TGFBR2: variants seen among roughly 807,000 people sequenced by gnomAD.
TGFBR2 encodes transforming growth factor beta receptor 2.
Under a neutral mutation model 49.0 loss-of-function variants are expected in TGFBR2, and 18 were observed. The observed-to-expected ratio is 0.37, with a 90% CI of 0.25 to 0.54. TGFBR2 has a LOEUF of 0.54. Among genes scored for constraint, TGFBR2 ranks in the 20% least tolerant of loss-of-function variants. TGFBR2 has a pLI of 0.85. For synonymous variants in TGFBR2, 282 were observed against 275.9 expected, an observed-to-expected ratio of 1.02 and a Z score of -0.22; for missense variants, 525 against 722.6, an observed-to-expected ratio of 0.73 and a Z score of 3.13.
chr3:30,635,562 T>A (rs1698511979), intron 1 of TGFBR2, among the ~76,000 whole-genome samples: 1 of 152,176 alleles, frequency 6.6e-6, no homozygotes, highest in African/African-American at 2.4e-5. Flanking sequence ...AGCCAATTAT[T>A]TTTCCGTTCA....
intron 5 of TGFBR2, among the ~76,000 whole-genome samples, chr3:30,685,966 A>C (rs889881410): frequency 2.6e-5 from 4 of 152,236 alleles, no homozygotes; most frequent in Non-Finnish European, 5.9e-5. Flanking sequence ...ATGGTAGTAC[A>C]TATATCTCAA....
chr3:30,671,566 A>G, intron 3 of TGFBR2, 72 bp from the exon 4 acceptor site: 2 of 1,489,258 alleles, frequency 1.3e-6, no homozygotes, highest in Non-Finnish European at 1.9e-6. Flanking sequence ...ATGCTCAGGC[A>G]TGAACCCACT....
At chr3:30,680,585 T>G (rs1463268987) in intron 5 of TGFBR2, among the ~76,000 whole-genome samples, 2 of 66,012 alleles carry the variant, frequency 3.0e-5, no homozygotes, top group Non-Finnish European at 5.6e-5. Flanking sequence ...AATGTTGGAG[T>G]TGGGTGGGGT....
In TGFBR2 at chr3:30,671,851, A is replaced by G; in HGVS notation, c.668A>G (p.Asp223Gly). The G allele has an allele frequency of 6.2e-7, 1 of 1,614,180 alleles. No homozygotes were observed. Among genetic ancestry groups the G allele is most frequent in the Non-Finnish European group, 8.5e-7 (1 of 1,180,018 alleles). Reference sequence around the variant, plus strand: ...CACTGTGCCATCATCCTGGAAGATGACCGCTCTGACATCAGCTCCACGTGT... The same window carrying G: ...CACTGTGCCATCATCCTGGAAGATGGCCGCTCTGACATCAGCTCCACGTGT... ...SEHCAIILED[D>G]RSDISSTCAN... The change falls in exon 4 of 7, where the codon GAC becomes GGC. Residue 223 changes from aspartate (D) to glycine (G), a missense_variant. Coordinates refer to ENST00000295754, the MANE Select transcript of TGFBR2 (RefSeq NM_003242.6).
At position 30,693,171 on chromosome 3, in the gene TGFBR2, A is replaced by G. The variant is rs878857301; in HGVS notation, c.*1572A>G. 1.1e-4 allele frequency: 25 copies of G among 233,416 alleles called. No individual in the cohort carries two copies. The East Asian group carries it at 1.3e-3, about 12-fold the overall frequency. 14.5% of individuals were successfully genotyped at this position (233,416 alleles called of 1,614,324 possible). ...CCAAGTTTCTTTTGCTTATATGTTA[A>G]TAGTTTTACCCTCTGCATTGGAGAG... On this transcript the variant is annotated 3_prime_UTR_variant, in exon 7 of 7. Coordinates refer to ENST00000295754, the MANE Select transcript of TGFBR2 (RefSeq NM_003242.6).
chr3:30,674,271 G>A (rs2125439539), intron 5 of TGFBR2, 25 bp downstream of exon 5: 2 of 1,613,744 alleles, frequency 1.2e-6, no homozygotes, highest in Non-Finnish European at 1.7e-6. Context: ...GCATCATTGT[G>A]TAGTGGTAAA....
intron 1 of TGFBR2, among the ~76,000 whole-genome samples, chr3:30,640,325 T>C (rs1486101088): frequency 6.6e-6 from 1 of 152,176 alleles, no homozygotes; most frequent in Non-Finnish European, 1.5e-5. Context: ...ATTTGCCTAT[T>C]AGGGGTAGAA....
chr3:30,612,039 C>A (rs1381171827), intron 1 of TGFBR2, among the ~76,000 whole-genome samples: 1 of 152,206 alleles, frequency 6.6e-6, no homozygotes, highest in African/African-American at 2.4e-5. Flanking sequence ...TTTTGCTCCA[C>A]AGGTACTTGT....
At chr3:30,678,392 A>C (rs539034422) in intron 5 of TGFBR2, among the ~76,000 whole-genome samples, 67 of 152,002 alleles carry the variant, frequency 4.4e-4, no homozygotes, top group African/African-American at 1.5e-3. Flanking sequence ...CTAAAAATAC[A>C]AAAAAATTAG....
chr3:30,669,579 G>A (rs1699303969), intron 3 of TGFBR2, among the ~76,000 whole-genome samples: 2 of 152,144 alleles, frequency 1.3e-5, no homozygotes, highest in South Asian at 4.1e-4. Flanking sequence ...ATAGTGCATG[G>A]GGAAGACTGG....
At chr3:30,609,047 A>G (rs1046241254) in intron 1 of TGFBR2, among the ~76,000 whole-genome samples, 18 of 152,214 alleles carry the variant, frequency 1.2e-4, no homozygotes, top group Admixed American at 1.1e-3. Context: ...TCATTTCATC[A>G]ATATACACAC....
chr3:30,686,136 T>G (rs959158589), intron 5 of TGFBR2, among the ~76,000 whole-genome samples: 5 of 152,186 alleles, frequency 3.3e-5, no homozygotes, highest in African/African-American at 1.2e-4. Flanking sequence ...TTCTCAGTTT[T>G]CTCTTTTGCT....
At chr3:30,647,168 C>A (rs1698757194) in intron 2 of TGFBR2, among the ~76,000 whole-genome samples, 1 of 152,170 alleles carries the variant, frequency 6.6e-6, no homozygotes, top group African/African-American at 2.4e-5. Flanking sequence ...GTGATGGGAG[C>A]TGCCTCATTC....
chr3:30,671,852 C>A lies in TGFBR2; in HGVS notation c.669C>A (p.Asp223Glu). The change falls in exon 4 of 7, where the codon GAC (aspartate) becomes GAA (glutamate). Residue 223 changes from aspartate to glutamate, a missense_variant. By Grantham distance (45) the Asp-to-Glu change is conservative. Around this residue, in one of 3 missense-constraint regions of TGFBR2, gnomAD observed 376 missense variants for 478.2 expected, o/e 0.79. Transcript: ENST00000295754. ...SEHCAIILEDDRSDISSTCAN... is the reference protein window; with the variant it reads ...SEHCAIILEDERSDISSTCAN... ...ACTGTGCCATCATCCTGGAAGATGA[C>A]CGCTCTGACATCAGCTCCACGTGTG... 2 of 1,614,230 alleles carry A rather than the reference C, an allele frequency of 1.2e-6. No individual in the cohort carries two copies. Among genetic ancestry groups the A allele is most frequent in the South Asian group, 1.1e-5 (1 of 91,082 alleles).
rs1699717156 is a variant in TGFBR2 at position 30,691,923 on chromosome 3, A to ATG, written c.*325_*326insGT. The ATG allele has an allele frequency of 4.3e-6, 1 of 229,948 alleles. No homozygotes were observed. Among genetic ancestry groups the ATG allele is most frequent in the African/African-American group, 2.3e-5 (1 of 44,004 alleles). 14.2% of individuals were successfully genotyped at this position (229,948 alleles called of 1,614,324 possible). ...ATAGCTATGTTTTATATATATATAT[A>ATG]TATATCTATATATGTCTATAGCTCT... On this transcript the variant is annotated 3_prime_UTR_variant, in exon 7 of 7. Transcript: ENST00000295754.
chr3:30,649,757 G>A (rs1575146229), intron 2 of TGFBR2, among the ~76,000 whole-genome samples: 1 of 152,040 alleles, frequency 6.6e-6, no homozygotes, highest in East Asian at 1.9e-4. Flanking sequence ...ATGCTCTGGG[G>A]CCCAGCAAAC....
chr3:30,617,619 C>T (rs1030376844), intron 1 of TGFBR2, among the ~76,000 whole-genome samples: 2 of 152,124 alleles, frequency 1.3e-5, no homozygotes, highest in Non-Finnish European at 2.9e-5. Context: ...TTAGGAGCCT[C>T]ATTCCTTCCT....
chr3:30,623,436 G>A (rs945547390), intron 1 of TGFBR2, among the ~76,000 whole-genome samples: 2 of 152,204 alleles, frequency 1.3e-5, no homozygotes, highest in Non-Finnish European at 2.9e-5. Flanking sequence ...GTACTCATCA[G>A]GAGACTTGTT....
intron 1 of TGFBR2, among the ~76,000 whole-genome samples, chr3:30,631,380 G>C (rs756233862): frequency 1.3e-5 from 2 of 152,066 alleles, no homozygotes; most frequent in Non-Finnish European, 2.9e-5. Context: ...CATCAGAAAA[G>C]TTGCAGCTAC....
Sources: allele counts gnomAD v4.1 joint callset (sites outside exome capture counted in the v4.1 genomes callset), GRCh38; gene constraint gnomAD v4.1.1; regional missense constraint gnomAD v4.1.1; transcripts MANE v1.5; gene names NCBI Gene and HGNC (gene_info 2026-07-23, HGNC 2026-07-21).